The following ARFGAP3 variants were observed in gnomAD, a reference collection of about 807,000 sequenced individuals.
ARFGAP3 encodes ARF GTPase activating protein 3.
ARFGAP3 carries 72 observed loss-of-function variants against 75.0 expected under a neutral mutation model. The ratio of observed to expected loss-of-function variants is 0.96; its 90% CI spans 0.79 to 1.17. The LOEUF (loss-of-function observed/expected upper bound fraction) is 1.17, where lower values mean the gene tolerates loss of function less well. ARFGAP3 is among the 50% of genes most tolerant of loss of function. ARFGAP3 has a pLI of 0.00. For missense variants in ARFGAP3, 620 were observed against 626.6 expected (o/e 0.99, Z 0.11); for synonymous variants, 221 against 217.9 (o/e 1.01, Z -0.13).
chr22:42,806,607 A>C (rs1925134208), intron 14 of ARFGAP3, among the ~76,000 whole-genome samples: 1 of 152,226 alleles, frequency 6.6e-6, no homozygotes, highest in Non-Finnish European at 1.5e-5. Flanking sequence ...ACTTGGTGGC[A>C]CTTCACATTG....
intron 6 of ARFGAP3, among the ~76,000 whole-genome samples, chr22:42,827,778 C>T (rs189754378): frequency 1.4e-4 from 22 of 152,252 alleles, no homozygotes; most frequent in Admixed American, 1.4e-3. Context: ...TCCTGGTTAG[C>T]AACTCTATGA....
At chr22:42,835,980 C>CTT (rs545758118) in intron 3 of ARFGAP3, among the ~76,000 whole-genome samples, 155 of 105,638 alleles carry the variant, frequency 1.5e-3, no homozygotes, top group East Asian at 2.3e-3. Flanking sequence ...CCATTTCTTT[C>CTT]TTTTTTTTTT....
intron 3 of ARFGAP3, among the ~76,000 whole-genome samples, chr22:42,836,561 G>A (rs899388479): frequency 1.3e-5 from 2 of 152,274 alleles, no homozygotes. Flanking sequence ...ATATAGGTAA[G>A]ATGATAAAAC....
chr22:42,801,479 C>G (rs1924857933), intron 14 of ARFGAP3, among the ~76,000 whole-genome samples: 1 of 152,208 alleles, frequency 6.6e-6, no homozygotes, highest in Non-Finnish European at 1.5e-5. Flanking sequence ...GGTCCAAGCC[C>G]ATGGGGCCAC....
At chr22:42,854,171 C>G (rs1927399209) in intron 1 of ARFGAP3, among the ~76,000 whole-genome samples, 1 of 152,192 alleles carries the variant, frequency 6.6e-6, no homozygotes, top group South Asian at 2.1e-4. Flanking sequence ...ACTATAAGTT[C>G]CCTGAGGACA....
chr22:42,821,123 C>G (rs376260027), intron 9 of ARFGAP3, among the ~76,000 whole-genome samples: 2 of 152,206 alleles, frequency 1.3e-5, no homozygotes, highest in Admixed American at 6.5e-5. Flanking sequence ...AAGATCCAGG[C>G]TCAGAACCTC....
chr22:42,848,059 T>C (rs979735622), intron 1 of ARFGAP3, among the ~76,000 whole-genome samples: 8 of 151,504 alleles, frequency 5.3e-5, no homozygotes, highest in Non-Finnish European at 8.8e-5. Flanking sequence ...AGATGGGGTT[T>C]TACCATGTTG....
At chr22:42,824,503 T>A (rs550822474) in intron 7 of ARFGAP3, among the ~76,000 whole-genome samples, 2 of 150,744 alleles carry the variant, frequency 1.3e-5, no homozygotes, top group Non-Finnish European at 3.0e-5. Flanking sequence ...ACTACAGGCA[T>A]ATGCCACCAT....
intron 12 of ARFGAP3, 168 bp from the exon 13 acceptor site, chr22:42,809,058 C>A: frequency 2.0e-6 from 1 of 495,454 alleles, no homozygotes; most frequent in Non-Finnish European, 2.6e-6. Flanking sequence ...AATAAATACC[C>A]AAACGATACA....
chr22:42,797,619 C>G lies in ARFGAP3; in HGVS notation c.1534-14G>C. 6.2e-7 allele frequency: 1 copy of G among 1,614,010 alleles called. No homozygotes were observed. The highest frequency in any genetic ancestry group is 1.1e-5 in the South Asian group (1 of 91,066). On this transcript the variant is annotated splice_polypyrimidine_tract_variant and intron_variant, in intron 15 of 15. Coordinates refer to ENST00000263245, the MANE Select transcript of ARFGAP3 (RefSeq NM_014570.5). ...ACCGTAGCGATCCTGAAGAGAGAAC[C>G]AAAATGGAAGTTCACGACCATTCAG...
chr22:42,835,507 C>T lies in ARFGAP3; in HGVS notation c.262-14G>A. ...AAAAAAGGAAGACTACAGAGAAAAGCATGCACATTAATATTTTCGTAAAAC... is the reference window on the plus strand; with the variant it reads ...AAAAAAGGAAGACTACAGAGAAAAGTATGCACATTAATATTTTCGTAAAAC... On this transcript the variant is annotated splice_polypyrimidine_tract_variant and intron_variant, in intron 3 of 15. Coordinates refer to ENST00000263245, the MANE Select transcript of ARFGAP3 (RefSeq NM_014570.5). 4 of 1,613,098 alleles carry T rather than the reference C, an allele frequency of 2.5e-6. No homozygotes were observed. Among genetic ancestry groups the T allele is most frequent in the Non-Finnish European group, 3.4e-6 (4 of 1,179,394 alleles).
intron 2 of ARFGAP3, among the ~76,000 whole-genome samples, chr22:42,845,782 G>A (rs1047173021): frequency 2.0e-5 from 3 of 152,064 alleles, no homozygotes; most frequent in Admixed American, 1.3e-4. Context: ...GCTCACGCCC[G>A]TAATCCCAAC....
At chr22:42,828,552 G>A (rs1212956898) in intron 6 of ARFGAP3, among the ~76,000 whole-genome samples, 5 of 150,328 alleles carry the variant, frequency 3.3e-5, no homozygotes, top group Admixed American at 2.6e-4. Context: ...GTGAAACTCT[G>A]TCTCAAAAAA....
At position 42,811,274 on chromosome 22, in the gene ARFGAP3, C is replaced by T. The variant is rs143383404; in HGVS notation, c.1065-330G>A. Reference sequence around the variant, plus strand: ...CAGGTACTCTAGAGAACCACCTGAACCCTTAGCTGACTTTATGTGAAAAAG... The same window carrying T: ...CAGGTACTCTAGAGAACCACCTGAATCCTTAGCTGACTTTATGTGAAAAAG... On this transcript the variant is annotated intron_variant, in intron 11 of 15. Coordinates refer to ENST00000263245, the MANE Select transcript of ARFGAP3 (RefSeq NM_014570.5). Among the ~76,000 whole-genome samples the T allele has an allele frequency of 1.0e-3, 159 of 152,286 alleles. 1 individual carries two copies. The East Asian group carries it at 0.026, about 25-fold the overall frequency.
intron 3 of ARFGAP3, among the ~76,000 whole-genome samples, chr22:42,840,224 G>A (rs978823349): frequency 9.2e-5 from 14 of 151,412 alleles, no homozygotes; most frequent in African/African-American, 3.4e-4. Context: ...GAGCCACCGT[G>A]CCCAGCTGGG....
intron 14 of ARFGAP3, among the ~76,000 whole-genome samples, chr22:42,805,899 C>T (rs1925097899): frequency 6.6e-6 from 1 of 152,224 alleles, no homozygotes; most frequent in South Asian, 2.1e-4. Flanking sequence ...TGCCACCTGG[C>T]TAGGACTCTC....
intron 9 of ARFGAP3, among the ~76,000 whole-genome samples, chr22:42,819,002 G>A (rs938955875): frequency 1.3e-4 from 19 of 151,650 alleles, no homozygotes; most frequent in African/African-American, 2.9e-4. Context: ...TAGTAGAGAC[G>A]AGGTTTCACC....
At chr22:42,828,384 C>T (rs1035168450) in intron 6 of ARFGAP3, among the ~76,000 whole-genome samples, 3 of 151,622 alleles carry the variant, frequency 2.0e-5, no homozygotes, top group Admixed American at 6.6e-5. Flanking sequence ...TGGTGAAACC[C>T]GTCTCTACTA....
At chr22:42,828,253 T>C (rs1214218134) in intron 6 of ARFGAP3, among the ~76,000 whole-genome samples, 2 of 146,094 alleles carry the variant, frequency 1.4e-5, no homozygotes, top group Non-Finnish European at 3.0e-5. Flanking sequence ...AAACCCTGTA[T>C]CTACTAAAAA....
Sources: allele counts gnomAD v4.1 joint callset (sites outside exome capture counted in the v4.1 genomes callset), GRCh38; gene constraint gnomAD v4.1.1; transcripts MANE v1.5; gene names NCBI Gene and HGNC (gene_info 2026-07-23, HGNC 2026-07-21).